ISOC1: variants seen among roughly 807,000 people sequenced by gnomAD.
ISOC1 encodes the protein isochorismatase domain containing 1.
In ISOC1, 33 loss-of-function variants were observed where a neutral mutation model predicts 30.0. The ratio of observed to expected loss-of-function variants is 1.10; its 90% CI spans 0.83 to 1.47. ISOC1 has a LOEUF of 1.47. Among genes scored for constraint, ISOC1 ranks in the 40% most tolerant of loss-of-function variants. The pLI, the probability that ISOC1 is intolerant of heterozygous loss-of-function variation, is 0.00. For synonymous variants in ISOC1, 178 were observed against 159.8 expected (o/e 1.11, Z -0.86); for missense variants, 372 against 388.0 (o/e 0.96, Z 0.35).
intron 4 of ISOC1, among the ~76,000 whole-genome samples, chr5:129,112,342 C>T (rs1753717989): frequency 6.6e-6 from 1 of 152,040 alleles, no homozygotes; most frequent in African/African-American, 2.4e-5. Flanking sequence ...GAAAAGTGGA[C>T]AGAGGCACCT....
rs1753738445 is a variant in ISOC1 at position 129,113,586 on chromosome 5, A to G, written c.*585A>G. ...GAATAATTACATATCTTTCTTGACT[A>G]TACTGATTTCTTATTTTGGTCACTA... On this transcript the variant is annotated 3_prime_UTR_variant, in exon 5 of 5. Transcript: ENST00000173527. The G allele has an allele frequency of 6.6e-6, 1 of 152,182 alleles. No individual in the cohort carries two copies. Among genetic ancestry groups the G allele is most frequent in the Non-Finnish European group, 1.5e-5 (1 of 68,038 alleles). 9.4% of individuals were successfully genotyped at this position (152,182 alleles called of 1,614,324 possible).
intron 4 of ISOC1, among the ~76,000 whole-genome samples, chr5:129,109,473 A>G (rs1434522610): frequency 6.6e-6 from 1 of 152,168 alleles, no homozygotes; most frequent in Non-Finnish European, 1.5e-5. Flanking sequence ...TCACGTGGTT[A>G]GTCACCAGAA....
At chr5:129,099,674 T>G (rs1753547518) in intron 1 of ISOC1, among the ~76,000 whole-genome samples, 1 of 152,194 alleles carries the variant, frequency 6.6e-6, no homozygotes, top group South Asian at 2.1e-4. Context: ...TAAATATATT[T>G]ATAGGTTTCT....
At chr5:129,096,851 C>A (rs1410770031) in intron 1 of ISOC1, among the ~76,000 whole-genome samples, 2 of 152,102 alleles carry the variant, frequency 1.3e-5, no homozygotes, top group African/African-American at 4.8e-5. Context: ...AAACTAGGCC[C>A]CAGCTCTGTA....
chr5:129,110,086 C>G (rs973221713), intron 4 of ISOC1, among the ~76,000 whole-genome samples: 2 of 152,032 alleles, frequency 1.3e-5, no homozygotes, highest in Non-Finnish European at 2.9e-5. Context: ...CTTGTACTTC[C>G]GGGGAGTTTT....
At chr5:129,103,400 A>G (rs1753595102) in intron 1 of ISOC1, among the ~76,000 whole-genome samples, 1 of 152,176 alleles carries the variant, frequency 6.6e-6, no homozygotes, top group African/African-American at 2.4e-5. Flanking sequence ...TATGCTTGAG[A>G]ATTTATTTTA....
chr5:129,100,835 G>T (rs993743898), intron 1 of ISOC1, among the ~76,000 whole-genome samples: 8 of 151,422 alleles, frequency 5.3e-5, no homozygotes, highest in Admixed American at 6.6e-5. Flanking sequence ...GTATGTTTTT[G>T]GTAGCCACAA....
At chr5:129,097,524 A>T (rs921243438) in intron 1 of ISOC1, among the ~76,000 whole-genome samples, 8 of 152,212 alleles carry the variant, frequency 5.3e-5, no homozygotes, top group Non-Finnish European at 7.3e-5. Context: ...GTAAGAGACC[A>T]TACAGTTCAT....
chr5:129,103,586 TAAAAC>T (rs1180661187), intron 1 of ISOC1, among the ~76,000 whole-genome samples: 18 of 152,118 alleles, frequency 1.2e-4, no homozygotes, highest in Admixed American at 1.2e-3. Flanking sequence ...AGGACATAGA[TAAAAC>T]AAAGTGCAAA....
rs1334569408 is a variant in ISOC1 at position 129,094,989 on chromosome 5, G to T, written c.223G>T (p.Glu75Ter). The T allele has an allele frequency of 1.2e-6, 2 of 1,610,526 alleles. No homozygotes were observed. The highest frequency in any genetic ancestry group is 1.7e-5 in the Admixed American group (1 of 59,854). ...CAAATTCGTGGTGCAGCTGTTCGCC[G>T]AGGAGTGGGGCCAGTACGTGGACTT... ...HRKFVVQLFA[E>*]EWGQYVDLPK... Residue 75 changes from glutamate (E) to a stop codon, truncating the protein, a stop_gained, in exon 1 of 5, where the codon GAG (glutamate) becomes TAG (stop). Coordinates refer to ENST00000173527, the MANE Select transcript of ISOC1 (RefSeq NM_016048.2). LOFTEE classifies it high-confidence loss of function.
At position 129,113,924 on chromosome 5, in the gene ISOC1, C is replaced by T. The variant is rs368348302; in HGVS notation, c.*923C>T. 3 of 151,994 alleles carry T rather than the reference C, an allele frequency of 2.0e-5. No individual in the cohort carries two copies. The highest frequency in any genetic ancestry group is 2.1e-4 in the South Asian group (1 of 4,828). 9.4% of individuals were successfully genotyped at this position (151,994 alleles called of 1,614,324 possible). ...TAATTTTGTGGTCATTGTTTCTCTT[C>T]GATAAATTTATTTTCATTAAATACT... On this transcript the variant is annotated 3_prime_UTR_variant, in exon 5 of 5. Transcript: ENST00000173527.
intron 4 of ISOC1, among the ~76,000 whole-genome samples, chr5:129,112,637 C>T (rs1178917850): frequency 2.0e-5 from 3 of 151,872 alleles, no homozygotes; most frequent in Admixed American, 6.6e-5. Flanking sequence ...CCCTTTTACT[C>T]GTTCTACTCC....
intron 4 of ISOC1, 55 bp downstream of exon 4, chr5:129,107,117 A>C: frequency 7.5e-7 from 1 of 1,338,268 alleles, no homozygotes; most frequent in Admixed American, 1.7e-5. Flanking sequence ...ATAAATGAGA[A>C]GAATACTGGA....
At chr5:129,096,951 G>C (rs148883114) in intron 1 of ISOC1, among the ~76,000 whole-genome samples, 1 of 152,262 alleles carries the variant, frequency 6.6e-6, no homozygotes, top group Non-Finnish European at 1.5e-5. Flanking sequence ...AGAAATTAAT[G>C]AAATGTATGT....
chr5:129,097,985 G>A (rs1203503442), intron 1 of ISOC1, among the ~76,000 whole-genome samples: 1 of 152,080 alleles, frequency 6.6e-6, no homozygotes, highest in Non-Finnish European at 1.5e-5. Flanking sequence ...GGGACAAAGA[G>A]CACAAGTTTG....
chr5:129,097,182 C>T (rs1753513441), intron 1 of ISOC1, among the ~76,000 whole-genome samples: 1 of 151,998 alleles, frequency 6.6e-6, no homozygotes, highest in Admixed American at 6.6e-5. Flanking sequence ...ATTTATATAG[C>T]TTTATATTTT....
At chr5:129,108,254 A>T (rs552405943) in intron 4 of ISOC1, among the ~76,000 whole-genome samples, 1 of 152,270 alleles carries the variant, frequency 6.6e-6, no homozygotes, top group African/African-American at 2.4e-5. Flanking sequence ...GCCTTATCAG[A>T]GGAAAGAAGG....
chr5:129,108,054 T>C (rs1753659827), intron 4 of ISOC1, among the ~76,000 whole-genome samples: 1 of 152,252 alleles, frequency 6.6e-6, no homozygotes, highest in African/African-American at 2.4e-5. Flanking sequence ...TGCATGTGAA[T>C]TTAATTGCTG....
At chr5:129,109,663 T>G (rs774909133) in intron 4 of ISOC1, among the ~76,000 whole-genome samples, 114 of 152,298 alleles carry the variant, frequency 7.5e-4, no homozygotes, top group Non-Finnish European at 2.8e-4. Flanking sequence ...AGGTGGTGAT[T>G]GATAGGGAAC....
Sources: allele counts gnomAD v4.1 joint callset (sites outside exome capture counted in the v4.1 genomes callset), GRCh38; gene constraint gnomAD v4.1.1; transcripts MANE v1.5; gene names NCBI Gene and HGNC (gene_info 2026-07-23, HGNC 2026-07-21).